ALOX5AP: variants seen among roughly 807,000 people sequenced by gnomAD.
ALOX5AP encodes arachidonate 5-lipoxygenase activating protein.
Under a neutral mutation model 18.5 loss-of-function variants are expected in ALOX5AP, and 9 were observed. The observed-to-expected ratio is 0.49, with a 90% CI of 0.29 to 0.85. The LOEUF (loss-of-function observed/expected upper bound fraction) is 0.85. ALOX5AP is among the 40% of genes least tolerant of loss of function. ALOX5AP has a pLI of 0.08. For synonymous variants in ALOX5AP, 81 were observed against 78.6 expected (o/e 1.03, Z -0.16); for missense variants, 172 against 202.5 (o/e 0.85, Z 0.91).
In ALOX5AP at chr13:30,713,620, TC is replaced by T. The variant is rs1951526237; in HGVS notation, c.-103del. 7 of 792,082 alleles carry T rather than the reference TC, an allele frequency of 8.8e-6. No individual in the cohort carries two copies. In the East Asian group the frequency reaches 1.1e-4, roughly 12 times the overall value. The allele number at this position is 792,082 out of a possible 1,614,324, so 49.1% of individuals were successfully genotyped here. On this transcript the variant is annotated 5_prime_UTR_variant, in exon 1 of 6. Coordinates refer to the ALOX5AP transcript ENST00000617770. ...TTGCCCCCTCACACCTCCTCTCATCTCCCGTTTTTGAAGAGGAGGACCCTGT... is the reference window on the plus strand; with the variant it reads ...TTGCCCCCTCACACCTCCTCTCATCTCCGTTTTTGAAGAGGAGGACCCTGT...
chr13:30,721,102 T>C (rs1348539042), intron 1 of ALOX5AP, among the ~76,000 whole-genome samples: 1 of 152,224 alleles, frequency 6.6e-6, no homozygotes, highest in Non-Finnish European at 1.5e-5. Context: ...GGACTCTTCG[T>C]TGATCCCACC....
At chr13:30,741,852 T>TTA (rs1951769369) in intron 1 of ALOX5AP, among the ~76,000 whole-genome samples, 1 of 136,816 alleles carries the variant, frequency 7.3e-6, no homozygotes, top group African/African-American at 2.7e-5. Context: ...TTTTTTTTAA[T>TTA]ATTTTTGGTC....
At chr13:30,758,600 A>C (rs1196361693) in intron 4 of ALOX5AP, among the ~76,000 whole-genome samples, 1 of 151,956 alleles carries the variant, frequency 6.6e-6, no homozygotes, top group Non-Finnish European at 1.5e-5. Flanking sequence ...CCCTGCGAGG[A>C]TTTTGCAGCT....
At chr13:30,763,379 C>T (rs180762619) in intron 4 of ALOX5AP, among the ~76,000 whole-genome samples, 1 of 152,220 alleles carries the variant, frequency 6.6e-6, no homozygotes, top group Non-Finnish European at 1.5e-5. Context: ...AATGCAAGGG[C>T]CTGTCTCCCA....
chr13:30,750,828 T>G (rs1951846253), intron 2 of ALOX5AP, among the ~76,000 whole-genome samples: 1 of 152,150 alleles, frequency 6.6e-6, no homozygotes, highest in Non-Finnish European at 1.5e-5. Context: ...GAAGGAGGCA[T>G]AAGAGTAGAT....
intron 4 of ALOX5AP, among the ~76,000 whole-genome samples, chr13:30,760,909 A>AT (rs1951936679): frequency 6.8e-6 from 1 of 147,980 alleles, no homozygotes; most frequent in Non-Finnish European, 1.5e-5. Flanking sequence ...TGGTTGGTAT[A>AT]AAAAAAAAAT....
chr13:30,748,152 C>T (rs919495088), intron 2 of ALOX5AP, among the ~76,000 whole-genome samples: 2 of 152,230 alleles, frequency 1.3e-5, no homozygotes, highest in Admixed American at 1.3e-4. Context: ...CTCCTTACCT[C>T]AGGTGATCTG....
At chr13:30,727,848 T>C (rs140379377) in intron 1 of ALOX5AP, among the ~76,000 whole-genome samples, 1 of 152,260 alleles carries the variant, frequency 6.6e-6, no homozygotes, top group East Asian at 1.9e-4. Context: ...CTTGCGGGTT[T>C]TGGGTTGTCC....
At position 30,721,787 on chromosome 13, in the gene ALOX5AP, A is replaced by T. The variant is rs866560867; in HGVS notation, c.116+7946A>T. ...TGGCCCTTTGGGATGTGGTTCCCCA[A>T]CCCCTCCCACATCATCTTTTCAATC... On this transcript the variant is annotated intron_variant, in intron 1 of 5. Transcript: ENST00000617770. Among the ~76,000 whole-genome samples, 8 of 151,978 alleles carry T rather than the reference A, an allele frequency of 5.3e-5. No individual in the cohort carries two copies. The South Asian group carries it at 1.7e-3, about 32-fold the overall frequency.
At chr13:30,716,887 C>G (rs1457245006) in intron 1 of ALOX5AP, among the ~76,000 whole-genome samples, 9 of 152,256 alleles carry the variant, frequency 5.9e-5, no homozygotes, top group Non-Finnish European at 1.2e-4. Context: ...GAGTCCAGGA[C>G]AGTGCCTGAC....
At chr13:30,757,011 G>A (rs770084178) in intron 4 of ALOX5AP, among the ~76,000 whole-genome samples, 33 of 152,220 alleles carry the variant, frequency 2.2e-4, no homozygotes, top group Middle Eastern at 3.4e-3. Flanking sequence ...CGGCGTTAGA[G>A]TATGCCGTCA....
intron 3 of ALOX5AP, among the ~76,000 whole-genome samples, chr13:30,755,163 A>C (rs1170900483): frequency 6.6e-6 from 1 of 152,026 alleles, no homozygotes; most frequent in Non-Finnish European, 1.5e-5. Flanking sequence ...AAAGGCTAGA[A>C]CGCAGAGGGA....
At chr13:30,733,718 G>T (rs1344937942), upstream of ALOX5AP, among the ~76,000 whole-genome samples, 1 of 152,224 alleles carries the variant, frequency 6.6e-6, no homozygotes, top group African/African-American at 2.4e-5. Context: ...AATATGGTGG[G>T]TGTCATCAAT....
intron 2 of ALOX5AP, 136 bp downstream of exon 2, chr13:30,744,295 G>T: frequency 1.4e-6 from 1 of 712,674 alleles, no homozygotes. Context: ...AGGAAGGTTG[G>T]ACTTCACCAG....
upstream of ALOX5AP, chr13:30,735,491 G>A (rs200150324): frequency 2.6e-6 from 4 of 1,536,026 alleles, no homozygotes; most frequent in Non-Finnish European, 2.6e-6. Context: ...ATTGTGCCGG[G>A]GATCTTCAGA....
chr13:30,743,911 C>T (rs762033531), intron 1 of ALOX5AP, 149 bp from the exon 2 acceptor site: 64 of 637,506 alleles, frequency 1.0e-4, no homozygotes, highest in Admixed American at 1.6e-4. Flanking sequence ...CTGCTGAGTA[C>T]GTTTCTGCTA....
Position 30,763,968 on chromosome 13 carries a change from A to AG in ALOX5AP, c.348_349insG (p.Arg117AlafsTer26), listed in dbSNP as rs1410794091. On this transcript the variant is annotated frameshift_variant, in exon 5 of 5. Transcript: ENST00000380490. LOFTEE classifies it high-confidence loss of function. ...GCACCCCTGGCTACATATTTGGGAA[A>AG]CGCATCATACTCTTCCTGTTCCTCA... 6.2e-7 allele frequency: 1 copy of AG among 1,613,762 alleles called. No individual in the cohort carries two copies. The highest frequency in any genetic ancestry group is 8.5e-7 in the Non-Finnish European group (1 of 1,179,956).
Position 30,744,040 on chromosome 13 carries a change from C to T in ALOX5AP, c.71-20C>T. 1 of 1,606,998 alleles carries T rather than the reference C, an allele frequency of 6.2e-7. No individual in the cohort carries two copies. Among genetic ancestry groups the T allele is most frequent in the Non-Finnish European group, 8.5e-7 (1 of 1,173,630 alleles). Reference sequence around the variant, plus strand: ...GAACATGCCCACAATGAACCAGATGCAAACCTTTTCCCTTGGCAGGATTCT... The same window carrying T: ...GAACATGCCCACAATGAACCAGATGTAAACCTTTTCCCTTGGCAGGATTCT... On this transcript the variant is annotated intron_variant, in intron 1 of 4. Transcript: ENST00000380490.
At chr13:30,751,976 C>T (rs1951855399) in intron 2 of ALOX5AP, 76 bp from the exon 3 acceptor site, 8 of 1,368,014 alleles carry the variant, frequency 5.8e-6, no homozygotes, top group Non-Finnish European at 8.3e-6. Flanking sequence ...TTAACTTCAA[C>T]TTTCAGGTAA....
Sources: allele counts gnomAD v4.1 joint callset (sites outside exome capture counted in the v4.1 genomes callset), GRCh38; gene constraint gnomAD v4.1.1; transcripts MANE v1.5; gene names NCBI Gene and HGNC (gene_info 2026-07-23, HGNC 2026-07-21).